Variants in SOX6 observed in about 807,000 individuals in gnomAD.
The protein encoded by SOX6 is transcription factor SOX-6.
Under a neutral mutation model 97.8 loss-of-function variants are expected in SOX6, and 11 were observed. The observed-to-expected ratio is 0.11, with a 90% CI of 0.07 to 0.19. SOX6 has a LOEUF of 0.19. Ranked by LOEUF, SOX6 falls within the 10% of genes least tolerant of loss-of-function variation. The probability of loss-of-function intolerance (pLI) is 1.00; values close to 1 mark genes in which losing one functional copy is unlikely to be tolerated. For synonymous variants in SOX6, 360 were observed against 371.4 expected (o/e 0.97, Z 0.35); for missense variants, 810 against 1,039.5 (o/e 0.78, Z 3.04).
intron 9 of SOX6, among the ~76,000 whole-genome samples, chr11:16,076,029 G>T (rs1048926998): frequency 6.6e-6 from 1 of 151,800 alleles, no homozygotes; most frequent in East Asian, 1.9e-4. Flanking sequence ...ATTTAGGTGG[G>T]GACACAGCCA....
At chr11:16,371,972 A>G (rs930664842) in intron 1 of SOX6, among the ~76,000 whole-genome samples, 1 of 152,120 alleles carries the variant, frequency 6.6e-6, no homozygotes, top group African/African-American at 2.4e-5. Context: ...AGTATATGTT[A>G]GCTAATATTA....
intron 6 of SOX6, among the ~76,000 whole-genome samples, chr11:16,177,743 G>T (rs534732049): frequency 1.4e-5 from 2 of 145,854 alleles, no homozygotes; most frequent in East Asian, 4.0e-4. Flanking sequence ...AAGGATCAAG[G>T]AAAAAAAAAA....
At chr11:16,268,817 A>G (rs1565059411) in intron 3 of SOX6, among the ~76,000 whole-genome samples, 2 of 150,950 alleles carry the variant, frequency 1.3e-5, no homozygotes, top group African/African-American at 4.8e-5. Flanking sequence ...AGTTCTTTAT[A>G]TATTAGGAAT....
At position 16,007,804 on chromosome 11, in the gene SOX6, T is replaced by C. The variant is rs550990463; in HGVS notation, c.1732+7138A>G. On this transcript the variant is annotated intron_variant, in intron 13 of 15. Transcript: ENST00000683767. Reference sequence around the variant, plus strand: ...CTCTATCAGTCAGGGTTTAATCTAATGTGTTGGTTTATGTGAAGCAGACAT... The same window carrying C: ...CTCTATCAGTCAGGGTTTAATCTAACGTGTTGGTTTATGTGAAGCAGACAT... Among the ~76,000 whole-genome samples, 7 of 152,232 alleles carry C rather than the reference T, an allele frequency of 4.6e-5. No individual in the cohort carries two copies. In the South Asian group the frequency reaches 1.4e-3, roughly 31 times the overall value.
At chr11:16,201,622 A>ATT (rs774189588) in intron 4 of SOX6, among the ~76,000 whole-genome samples, 21 of 133,682 alleles carry the variant, frequency 1.6e-4, no homozygotes, top group Non-Finnish European at 1.6e-4. Flanking sequence ...TTTGCAAAGT[A>ATT]TTTTTTTTTT....
chr11:16,557,631 T>G (rs1011315829), intron 4 of SOX6, among the ~76,000 whole-genome samples: 1 of 151,924 alleles, frequency 6.6e-6, no homozygotes, highest in Admixed American at 6.6e-5. Flanking sequence ...CTTAGGTATC[T>G]ATTTCAAATA....
At chr11:16,535,699 A>G (rs1861299035) in intron 4 of SOX6, among the ~76,000 whole-genome samples, 2 of 152,160 alleles carry the variant, frequency 1.3e-5, no homozygotes, top group African/African-American at 2.4e-5. Flanking sequence ...ACAAACCAAA[A>G]AAGTCTTAAT....
intron 3 of SOX6, among the ~76,000 whole-genome samples, chr11:16,707,725 A>G (rs1848148206): frequency 6.6e-6 from 1 of 152,194 alleles, no homozygotes; most frequent in African/African-American, 2.4e-5. Context: ...TAATGAGTGA[A>G]ATAGAAAACC....
intron 4 of SOX6, among the ~76,000 whole-genome samples, chr11:16,218,706 T>C (rs10766305): frequency 0.48 from 72,548 of 151,846 alleles, 17,515 homozygotes; most frequent in South Asian, 0.61. Context: ...CCCTCTTTCA[T>C]GGAGAGATAT....
At chr11:16,730,969 C>A (rs753667277) in intron 2 of SOX6, among the ~76,000 whole-genome samples, 1 of 152,120 alleles carries the variant, frequency 6.6e-6, no homozygotes, top group Non-Finnish European at 1.5e-5. Flanking sequence ...ACTACAAACA[C>A]CTCTACATAA....
intron 4 of SOX6, among the ~76,000 whole-genome samples, chr11:16,534,937 A>G (rs1309730397): frequency 1.3e-5 from 2 of 152,218 alleles, no homozygotes; most frequent in South Asian, 4.1e-4. Flanking sequence ...ATAATTGCTG[A>G]AGAGGGAAAG....
chr11:16,488,817 T>C (rs1860472715), intron 4 of SOX6, among the ~76,000 whole-genome samples: 1 of 152,168 alleles, frequency 6.6e-6, no homozygotes, highest in African/African-American at 2.4e-5. Context: ...GATTCCACTT[T>C]AAAGTCCAGA....
At chr11:16,060,998 G>T (rs1847935362) in intron 9 of SOX6, among the ~76,000 whole-genome samples, 1 of 151,580 alleles carries the variant, frequency 6.6e-6, no homozygotes, top group Non-Finnish European at 1.5e-5. Context: ...CAAAATCATT[G>T]CATATTAGGA....
rs546796375 is a variant in SOX6, at chr11:16,510,625, A to G, written n.610-34237T>C. ...TGTATAGTATATCAATTTACTTATC[A>G]AAGTCTATTTTTAAAATAATCCATC... On this transcript the variant is annotated intron_variant and non_coding_transcript_variant, in intron 4 of 5. Coordinates refer to the SOX6 transcript ENST00000524520. Among the ~76,000 whole-genome samples, 3 of 152,222 alleles carry G rather than the reference A, an allele frequency of 2.0e-5. No individual in the cohort carries two copies. In the East Asian group the frequency reaches 5.8e-4, roughly 29 times the overall value.
intron 4 of SOX6, among the ~76,000 whole-genome samples, chr11:16,521,599 T>C (rs923074530): frequency 7.9e-5 from 12 of 152,204 alleles, no homozygotes; most frequent in African/African-American, 2.9e-4. Context: ...AGGAATGCAG[T>C]TCCTCACCAG....
rs1853362638 is a variant in SOX6, at chr11:15,972,981, C to G, written c.2315G>C (p.Ser772Thr). 6.2e-7 allele frequency: 1 copy of G among 1,614,092 alleles called. No individual in the cohort carries two copies. Among genetic ancestry groups the G allele is most frequent in the African/African-American group, 1.3e-5 (1 of 74,938 alleles). ...ATAAGTGCTCTGGATGACCGGGAGGCTGGGCTCCGGGCTGGCCGAGGTGCT... is the reference window on the plus strand; with the variant it reads ...ATAAGTGCTCTGGATGACCGGGAGGGTGGGCTCCGGGCTGGCCGAGGTGCT... Reference protein sequence around the residue: ...CSSTSASPEPSLPVIQSTYGM... With the variant: ...CSSTSASPEPTLPVIQSTYGM... The change falls in exon 16 of 16, where the codon AGC becomes ACC. Residue 772 changes from serine to threonine, a missense_variant. Coordinates refer to ENST00000683767, the MANE Select transcript of SOX6 (RefSeq NM_001367873.1).
At chr11:16,691,032 A>C (rs1183117611) in intron 3 of SOX6, among the ~76,000 whole-genome samples, 1 of 152,196 alleles carries the variant, frequency 6.6e-6, no homozygotes, top group African/African-American at 2.4e-5. Flanking sequence ...GAGTCCTTGC[A>C]GTCTTGACTT....
chr11:16,470,994 T>C lies in SOX6; in HGVS notation c.-5+5321A>G, dbSNP rs145912180. On this transcript the variant is annotated intron_variant, in intron 1 of 15. Transcript: ENST00000396356. Reference sequence around the variant, plus strand: ...TGCTATTAGAGACCATGAGTCAAGATAGAATTTTTTAAAGGAATTCATTAT... The same window carrying C: ...TGCTATTAGAGACCATGAGTCAAGACAGAATTTTTTAAAGGAATTCATTAT... 1.5e-3 allele frequency among the ~76,000 whole-genome samples: 225 copies of C among 151,998 alleles called. 2 individuals are homozygous for C. Among genetic ancestry groups the C allele is most frequent in the African/African-American group, 5.3e-3 (222 of 41,512 alleles).
At chr11:16,254,043 C>T (rs549553460) in intron 3 of SOX6, among the ~76,000 whole-genome samples, 1 of 151,966 alleles carries the variant, frequency 6.6e-6, no homozygotes, top group South Asian at 2.1e-4. Context: ...TATGACTTCT[C>T]CTCAGAAACC....
Sources: gnomAD v4.1 joint callset for allele counts (sites outside exome capture counted in the v4.1 genomes callset) on GRCh38, gnomAD v4.1.1 for gene constraint, MANE v1.5 for transcripts, NCBI Gene and HGNC (gene_info 2026-07-23, HGNC 2026-07-21) for gene names.